The following KCNAB1 variants were observed in gnomAD, a reference collection of about 807,000 sequenced individuals.
KCNAB1 encodes the protein voltage-gated potassium channel subunit beta-1.
A neutral mutation model predicts 64.6 loss-of-function variants in KCNAB1; 35 were observed. The ratio of observed to expected loss-of-function variants is 0.54; its 90% CI spans 0.41 to 0.72. KCNAB1 has a LOEUF of 0.72. Among genes scored for constraint, KCNAB1 ranks in the 30% least tolerant of loss-of-function variants. The pLI is 0.00. For synonymous variants in KCNAB1, 177 were observed against 183.8 expected, an observed-to-expected ratio of 0.96 and a Z score of 0.30; for missense variants, 401 against 512.9, an observed-to-expected ratio of 0.78 and a Z score of 2.11.
intron 1 of KCNAB1, among the ~76,000 whole-genome samples, chr3:156,141,761 C>T (rs950405658): frequency 6.6e-6 from 1 of 152,146 alleles, no homozygotes; most frequent in Non-Finnish European, 1.5e-5. Flanking sequence ...CATAAGTTTT[C>T]ATTTCTCTGG....
At chr3:156,372,736 T>C (rs1726399760) in intron 1 of KCNAB1, among the ~76,000 whole-genome samples, 1 of 152,228 alleles carries the variant, frequency 6.6e-6, no homozygotes, top group South Asian at 2.1e-4. Flanking sequence ...AACAGCGTGA[T>C]GTTTCAGAGA....
chr3:156,288,602 G>A lies in KCNAB1; in HGVS notation c.276-133014G>A, dbSNP rs1720222435. The stretch of plus-strand genomic sequence containing the variant: ...CCATTAACACTGGGAAGGGGAGCAC[G>A]GCTGGGGGAAGCCACCAATCTGCTG... On this transcript the variant is annotated intron_variant, in intron 1 of 13. Coordinates refer to ENST00000490337, the MANE Select transcript of KCNAB1 (RefSeq NM_172160.3). 3.3e-5 allele frequency among the ~76,000 whole-genome samples: 5 copies of A among 152,204 alleles called. No individual in the cohort carries two copies. The South Asian group carries it at 6.2e-4, about 19-fold the overall frequency.
At chr3:156,523,058 T>G (rs1718062526) in intron 11 of KCNAB1, among the ~76,000 whole-genome samples, 1 of 152,254 alleles carries the variant, frequency 6.6e-6, no homozygotes, top group Admixed American at 6.5e-5. Context: ...CTAAAAGATT[T>G]TTATCTTTAT....
chr3:156,239,003 A>G (rs1717015053), intron 1 of KCNAB1, among the ~76,000 whole-genome samples: 3 of 152,230 alleles, frequency 2.0e-5, no homozygotes, highest in South Asian at 4.1e-4. Context: ...AAAAAAGAGC[A>G]GATCGTTACC....
Position 156,318,815 on chromosome 3 carries a change from C to T in KCNAB1, c.276-102801C>T, listed in dbSNP as rs949054377. Among the ~76,000 whole-genome samples the T allele has an allele frequency of 4.8e-4, 73 of 152,142 alleles. 1 individual carries two copies. Among genetic ancestry groups the T allele is most frequent in the Admixed American group, 4.4e-3 (67 of 15,276 alleles). ...TCTCAGGGCTAGTTGCGATTTGTCACGAAATGCTACTTGGCCATCTCATGT... is the reference window on the plus strand; with the variant it reads ...TCTCAGGGCTAGTTGCGATTTGTCATGAAATGCTACTTGGCCATCTCATGT... On this transcript the variant is annotated intron_variant, in intron 1 of 13. Transcript: ENST00000490337.
intron 1 of KCNAB1, among the ~76,000 whole-genome samples, chr3:156,261,184 C>G (rs1320441305): frequency 6.6e-6 from 1 of 151,934 alleles, no homozygotes; most frequent in Non-Finnish European, 1.5e-5. Context: ...TATGGCTTGT[C>G]TTTTCATTTA....
chr3:156,241,559 C>T (rs902356355), intron 1 of KCNAB1, among the ~76,000 whole-genome samples: 2 of 152,092 alleles, frequency 1.3e-5, no homozygotes. Context: ...GGTTGGACCA[C>T]ATCATTCTGA....
intron 12 of KCNAB1, among the ~76,000 whole-genome samples, chr3:156,527,229 A>G (rs1014788918): frequency 1.3e-5 from 2 of 152,242 alleles, no homozygotes; most frequent in Non-Finnish European, 2.9e-5. Context: ...TAGCTATTTG[A>G]CCACAGGCAA....
intron 1 of KCNAB1, among the ~76,000 whole-genome samples, chr3:156,230,569 A>G (rs1716458568): frequency 6.6e-6 from 1 of 152,212 alleles, no homozygotes; most frequent in South Asian, 2.1e-4. Flanking sequence ...GACACTGGGT[A>G]TAAAACAATT....
At chr3:156,354,065 GTGTGTGTGTATATA>G (rs1167042076) in intron 1 of KCNAB1, among the ~76,000 whole-genome samples, 25 of 148,014 alleles carry the variant, frequency 1.7e-4, no homozygotes, top group African/African-American at 5.9e-4. Flanking sequence ...GTGTGTGTGT[GTGTGTGTGTATATA>G]TGTGTGTATA....
intron 1 of KCNAB1, among the ~76,000 whole-genome samples, chr3:156,173,525 G>T: frequency 6.6e-6 from 1 of 152,158 alleles, no homozygotes; most frequent in South Asian, 2.1e-4. Context: ...GTTCATCTGG[G>T]TTTTACTTCC....
chr3:156,136,794 A>C (rs1714370652), intron 1 of KCNAB1, among the ~76,000 whole-genome samples: 1 of 152,222 alleles, frequency 6.6e-6, no homozygotes, highest in Non-Finnish European at 1.5e-5. Context: ...ACATTTTGGC[A>C]TCTTTTGGGA....
chr3:156,293,360 TTG>T (rs1720580277), intron 1 of KCNAB1, among the ~76,000 whole-genome samples: 3 of 152,228 alleles, frequency 2.0e-5, no homozygotes, highest in African/African-American at 7.2e-5. Context: ...TAACTATCTC[TTG>T]TCTTTGTTAG....
chr3:156,391,555 G>C (rs1713044584), intron 1 of KCNAB1, among the ~76,000 whole-genome samples: 1 of 152,184 alleles, frequency 6.6e-6, no homozygotes, highest in Admixed American at 6.5e-5. Context: ...TCTCCACTGA[G>C]GAGCTGTCTT....
intron 1 of KCNAB1, among the ~76,000 whole-genome samples, chr3:156,368,580 T>A (rs1033512584): frequency 6.6e-6 from 1 of 152,192 alleles, no homozygotes; most frequent in African/African-American, 2.4e-5. Context: ...TATTTTCAAC[T>A]GTTATTTGCA....
intron 1 of KCNAB1, among the ~76,000 whole-genome samples, chr3:156,354,152 A>T (rs1312587485): frequency 1.4e-5 from 2 of 145,798 alleles, no homozygotes; most frequent in South Asian, 4.3e-4. Context: ...ATGTGTATAT[A>T]TATATATGTA....
intron 1 of KCNAB1, among the ~76,000 whole-genome samples, chr3:156,368,001 T>G (rs913776236): frequency 6.6e-6 from 1 of 152,210 alleles, no homozygotes; most frequent in Non-Finnish European, 1.5e-5. Context: ...TTTTATGCAA[T>G]TAAACCTAAA....
intron 1 of KCNAB1, among the ~76,000 whole-genome samples, chr3:156,223,746 C>A (rs972361729): frequency 1.3e-5 from 2 of 152,200 alleles, no homozygotes; most frequent in Non-Finnish European, 2.9e-5. Context: ...TGTTTACAAA[C>A]CTTGAGCTAG....
chr3:156,229,217 G>A (rs148986274), intron 1 of KCNAB1, among the ~76,000 whole-genome samples: 13 of 152,248 alleles, frequency 8.5e-5, no homozygotes, highest in African/African-American at 2.2e-4. Flanking sequence ...TAATTGGCTC[G>A]TGGTTCTGCA....
Sources: allele counts gnomAD v4.1 joint callset (sites outside exome capture counted in the v4.1 genomes callset), GRCh38; gene constraint gnomAD v4.1.1; transcripts MANE v1.5; gene names NCBI Gene and HGNC (gene_info 2026-07-23, HGNC 2026-07-21).